The following BMP5 variants were observed in gnomAD, a reference collection of about 807,000 sequenced individuals.
BMP5 encodes bone morphogenetic protein 5.
A neutral mutation model predicts 46.6 loss-of-function variants in BMP5; 23 were observed. That is an observed-to-expected ratio of 0.49 (90% CI 0.35 to 0.70). The LOEUF is 0.70. Ranked by LOEUF, BMP5 falls within the 30% of genes least tolerant of loss-of-function variation. The pLI is 0.00. For missense variants in BMP5, 545 were observed against 565.6 expected, an observed-to-expected ratio of 0.96 and a Z score of 0.37; for synonymous variants, 204 against 191.9, an observed-to-expected ratio of 1.06 and a Z score of -0.52.
At chr6:55,803,190 G>A (rs1465160273) in intron 2 of BMP5, among the ~76,000 whole-genome samples, 1 of 151,812 alleles carries the variant, frequency 6.6e-6, no homozygotes, top group African/African-American at 2.4e-5. Context: ...CAGCTACTCG[G>A]GAGGCTGAGG....
Position 55,817,303 on chromosome 6 carries a change from A to G in BMP5, c.683+2352T>C, listed in dbSNP as rs187733885. Among the ~76,000 whole-genome samples the G allele has an allele frequency of 9.5e-3, 1,443 of 152,336 alleles. 26 individuals carry two copies. Among genetic ancestry groups the G allele is most frequent in the African/African-American group, 0.033 (1,385 of 41,566 alleles). On this transcript the variant is annotated intron_variant, in intron 2 of 6. Coordinates refer to ENST00000370830, the MANE Select transcript of BMP5 (RefSeq NM_021073.4). The stretch of plus-strand genomic sequence containing the variant: ...CTGCTATAAAGACACATGCACATGT[A>G]TGTTTATTGCAGCACTATTCACAAT...
At chr6:55,792,041 G>T (rs916856846) in intron 3 of BMP5, among the ~76,000 whole-genome samples, 3 of 152,152 alleles carry the variant, frequency 2.0e-5, no homozygotes, top group Non-Finnish European at 4.4e-5. Flanking sequence ...CATTTATAAT[G>T]CTTGAACTCT....
At chr6:55,786,471 C>T (rs562953441) in intron 3 of BMP5, among the ~76,000 whole-genome samples, 19 of 151,662 alleles carry the variant, frequency 1.3e-4, no homozygotes, top group African/African-American at 4.3e-4. Flanking sequence ...TTCCATTATT[C>T]AGGCTTTTTT....
intron 1 of BMP5, among the ~76,000 whole-genome samples, chr6:55,822,660 A>G (rs1776436555): frequency 6.6e-6 from 1 of 152,144 alleles, no homozygotes; most frequent in African/African-American, 2.4e-5. Context: ...ATCCAACCTA[A>G]AGTGTGCACC....
chr6:55,776,311 A>G (rs1025380550), intron 3 of BMP5, among the ~76,000 whole-genome samples: 7 of 151,950 alleles, frequency 4.6e-5, no homozygotes, highest in Admixed American at 3.3e-4. Context: ...CACTGTAAAA[A>G]GAGAAATTAG....
At chr6:55,828,977 T>C (rs987173797) in intron 1 of BMP5, among the ~76,000 whole-genome samples, 2 of 151,822 alleles carry the variant, frequency 1.3e-5, no homozygotes, top group Non-Finnish European at 2.9e-5. Context: ...GTTTGGTACA[T>C]GGATGTATAA....
At chr6:55,760,190 C>T (rs116147292) in intron 5 of BMP5, among the ~76,000 whole-genome samples, 1,623 of 152,030 alleles carry the variant, frequency 0.011, 21 homozygotes, top group African/African-American at 0.037. Context: ...ACTTAAACAA[C>T]GGCACTCTTT....
intron 1 of BMP5, among the ~76,000 whole-genome samples, chr6:55,832,145 C>G (rs1301664739): frequency 6.6e-6 from 1 of 152,188 alleles, no homozygotes; most frequent in Non-Finnish European, 1.5e-5. Flanking sequence ...CTACAAGTAG[C>G]TCTCCTGACA....
intron 1 of BMP5, among the ~76,000 whole-genome samples, chr6:55,840,583 T>C (rs1429505136): frequency 6.6e-6 from 1 of 152,210 alleles, no homozygotes; most frequent in Non-Finnish European, 1.5e-5. Flanking sequence ...TAGGTTGTGT[T>C]GCTTTGAAAT....
At chr6:55,758,958 ATGCTT>A (rs1436900528) in intron 6 of BMP5, 42 bp downstream of exon 6, 2 of 1,238,954 alleles carry the variant, frequency 1.6e-6, no homozygotes, top group Non-Finnish European at 2.4e-6. Flanking sequence ...ACTTTATAAT[ATGCTT>A]GCATTCTAAG....
intron 2 of BMP5, among the ~76,000 whole-genome samples, chr6:55,797,087 AG>A (rs1199500703): frequency 6.6e-6 from 1 of 152,194 alleles, no homozygotes; most frequent in Non-Finnish European, 1.5e-5. Flanking sequence ...AATATGCTTG[AG>A]GAGAATCAAG....
At chr6:55,829,095 T>C (rs1261213049) in intron 1 of BMP5, among the ~76,000 whole-genome samples, 2 of 151,870 alleles carry the variant, frequency 1.3e-5, no homozygotes, top group Non-Finnish European at 2.9e-5. Flanking sequence ...ATATTACATA[T>C]ACACTCTAAA....
At position 55,799,473 on chromosome 6, in the gene BMP5, G is replaced by T. The variant is rs138928613; in HGVS notation, c.684-5046C>A. ...CACAAAAAGTTTAGAAAGTATTTCT[G>T]GGAGTGTTGTTTCAAAACTTCAACT... On this transcript the variant is annotated intron_variant, in intron 2 of 6. Coordinates refer to ENST00000370830, the MANE Select transcript of BMP5 (RefSeq NM_021073.4). Among the ~76,000 whole-genome samples the T allele has an allele frequency of 6.8e-3, 1,034 of 152,252 alleles. 13 individuals are homozygous for T. Among genetic ancestry groups the T allele is most frequent in the African/African-American group, 0.023 (974 of 41,542 alleles).
At chr6:55,756,393 C>T (rs1489316393) in intron 6 of BMP5, among the ~76,000 whole-genome samples, 1 of 151,744 alleles carries the variant, frequency 6.6e-6, no homozygotes, top group Non-Finnish European at 1.5e-5. Flanking sequence ...ACATCCACCT[C>T]CCCAAAAGCC....
intron 1 of BMP5, among the ~76,000 whole-genome samples, chr6:55,827,536 T>C (rs1448816629): frequency 6.6e-6 from 1 of 151,746 alleles, no homozygotes; most frequent in Non-Finnish European, 1.5e-5. Context: ...TGTAATCAAA[T>C]TTACTGGTTC....
chr6:55,757,543 C>T (rs541335029), intron 6 of BMP5, among the ~76,000 whole-genome samples: 1 of 151,932 alleles, frequency 6.6e-6, no homozygotes, highest in East Asian at 1.9e-4. Context: ...GCAAAACATC[C>T]ATCCTTGCAA....
At chr6:55,794,165 G>A (rs115465561) in intron 3 of BMP5, 114 bp downstream of exon 3, 11,895 of 1,151,630 alleles carry the variant, frequency 0.01, 173 homozygotes, top group Middle Eastern at 0.037. Context: ...TATAGAATGC[G>A]TTGACTTGGA....
chr6:55,862,327 A>G (rs1484455576), intron 1 of BMP5, among the ~76,000 whole-genome samples: 1 of 152,174 alleles, frequency 6.6e-6, no homozygotes, highest in Non-Finnish European at 1.5e-5. Flanking sequence ...TCATTGCCCA[A>G]TCCCCAATAC....
chr6:55,864,928 C>T (rs12205334), intron 1 of BMP5, among the ~76,000 whole-genome samples: 69,504 of 150,996 alleles, frequency 0.46, 16,519 homozygotes, highest in Middle Eastern at 0.55. Context: ...CCAAACAAAT[C>T]GTCGAGGAAA....
Sources: allele counts gnomAD v4.1 joint callset (sites outside exome capture counted in the v4.1 genomes callset), GRCh38; gene constraint gnomAD v4.1.1; transcripts MANE v1.5; gene names NCBI Gene and HGNC (gene_info 2026-07-23, HGNC 2026-07-21).